BCO1: variants seen among roughly 807,000 people sequenced by gnomAD.
The protein encoded by BCO1 is beta-carotene oxygenase 1, also known as beta,beta-carotene 15,15'-dioxygenase.
Under a neutral mutation model 56.3 loss-of-function variants are expected in BCO1, and 54 were observed. The observed-to-expected ratio is 0.96, with a 90% CI of 0.77 to 1.20. The LOEUF is 1.20. Among genes scored for constraint, BCO1 ranks in the 50% most tolerant of loss-of-function variants. The pLI, the probability that BCO1 is intolerant of heterozygous loss-of-function variation, is 0.00. For synonymous variants in BCO1, 318 were observed against 266.1 expected, an observed-to-expected ratio of 1.20 and a Z score of -1.90; for missense variants, 801 against 690.9, an observed-to-expected ratio of 1.16 and a Z score of -1.79.
chr16:81,251,836 A>C lies in BCO1; in HGVS notation c.193+6233A>C, dbSNP rs571053157. Among the ~76,000 whole-genome samples the C allele has an allele frequency of 3.7e-3, 542 of 144,586 alleles. 4 individuals are homozygous for C. Among genetic ancestry groups the C allele is most frequent in the African/African-American group, 0.013 (497 of 37,546 alleles). The allele number at this position is 144,586 out of a possible 152,430, so 94.9% of individuals were successfully genotyped here. The stretch of plus-strand genomic sequence containing the variant: ...TGGAAAGTTTCTTTTATATATACCC[A>C]CACACACACACACACGCACACACAC... On this transcript the variant is annotated intron_variant, in intron 2 of 10. Coordinates refer to ENST00000258168, the MANE Select transcript of BCO1 (RefSeq NM_017429.3).
intron 7 of BCO1, among the ~76,000 whole-genome samples, chr16:81,275,185 CA>C (rs2150631801): frequency 6.6e-6 from 1 of 152,368 alleles, no homozygotes; most frequent in African/African-American, 2.4e-5. Flanking sequence ...TGCCCTTACT[CA>C]GATGCCCTCT....
At chr16:81,239,829 C>T (rs953980716) in intron 1 of BCO1, among the ~76,000 whole-genome samples, 2 of 152,086 alleles carry the variant, frequency 1.3e-5, no homozygotes. Flanking sequence ...TTTGAGTTGC[C>T]ACTTTCCTGG....
chr16:81,248,750 G>A (rs964282896), intron 2 of BCO1, among the ~76,000 whole-genome samples: 2 of 151,994 alleles, frequency 1.3e-5, no homozygotes, highest in African/African-American at 4.8e-5. Context: ...GGTGGCTCAC[G>A]CCTGTAATCC....
chr16:81,288,271 A>G (rs1009775712), intron 10 of BCO1, among the ~76,000 whole-genome samples: 3 of 151,986 alleles, frequency 2.0e-5, no homozygotes, highest in Non-Finnish European at 4.4e-5. Context: ...TCCCAAACAA[A>G]TGTTTTTAAG....
At position 81,259,175 on chromosome 16, in the gene BCO1, C is replaced by G. The variant is rs1906325538; in HGVS notation, c.194-501C>G. On this transcript the variant is annotated intron_variant, in intron 2 of 10. Transcript: ENST00000258168. ...CTTATCCAGCCATACTGTTGTGAGT[C>G]AGGAGTGAGAAAATGTGTGTCTAAA... is the stretch of plus-strand genomic sequence containing the variant. Among the ~76,000 whole-genome samples, 3 of 152,118 alleles carry G rather than the reference C, an allele frequency of 2.0e-5. No homozygotes were observed. The South Asian group carries it at 6.2e-4, about 32-fold the overall frequency.
At chr16:81,282,841 C>A (rs986706613) in intron 8 of BCO1, among the ~76,000 whole-genome samples, 2 of 152,170 alleles carry the variant, frequency 1.3e-5, no homozygotes, top group Non-Finnish European at 2.9e-5. Context: ...TAGGCCGGGT[C>A]CCTTCTGGCG....
chr16:81,279,151 C>T (rs1597372450), intron 7 of BCO1, among the ~76,000 whole-genome samples: 3 of 152,054 alleles, frequency 2.0e-5, no homozygotes, highest in African/African-American at 7.2e-5. Flanking sequence ...GTGACGCATG[C>T]CCGTAGTCCC....
At position 81,270,265 on chromosome 16, in the gene BCO1, G is replaced by A. The variant is rs145438816; in HGVS notation, c.950G>A (p.Gly317Asp). The A allele has an allele frequency of 1.9e-4, 313 of 1,614,170 alleles. No individual in the cohort carries two copies. The African/African-American group carries it at 2.9e-3, about 15-fold the overall frequency. Reference sequence around the variant, plus strand: ...CACGTCAACGCCTACGAAGAGGACGGCTGCATCGTGTTTGACGTCATTGCC... The same window carrying A: ...CACGTCAACGCCTACGAAGAGGACGACTGCATCGTGTTTGACGTCATTGCC... ...FHHVNAYEED[G>D]CIVFDVIAYE... Residue 317 changes from glycine to aspartate, a missense_variant, in exon 7 of 11, where the codon GGC (glycine) becomes GAC (aspartate). Physicochemically the swap from Gly to Asp is moderately conservative, Grantham distance 94. Coordinates refer to ENST00000258168, the MANE Select transcript of BCO1 (RefSeq NM_017429.3).
At chr16:81,255,781 A>G (rs976995954) in intron 2 of BCO1, among the ~76,000 whole-genome samples, 2 of 151,442 alleles carry the variant, frequency 1.3e-5, no homozygotes, top group Non-Finnish European at 2.9e-5. Flanking sequence ...CTGGGATTAT[A>G]GGAGTGAGCC....
chr16:81,271,002 C>T (rs1358559024), intron 7 of BCO1, among the ~76,000 whole-genome samples: 1 of 152,150 alleles, frequency 6.6e-6, no homozygotes, highest in Non-Finnish European at 1.5e-5. Flanking sequence ...CCTCGGCCTC[C>T]CAAAGTGCTG....
chr16:81,250,828 G>C (rs1305481512), intron 2 of BCO1, among the ~76,000 whole-genome samples: 2 of 152,090 alleles, frequency 1.3e-5, no homozygotes, highest in Non-Finnish European at 2.9e-5. Flanking sequence ...TGATCCACTT[G>C]CCTGGGCCTT....
chr16:81,241,080 C>T (rs112003249), intron 1 of BCO1, among the ~76,000 whole-genome samples: 1 of 152,092 alleles, frequency 6.6e-6, no homozygotes. Flanking sequence ...TTGATCCGCC[C>T]GTGTTGGCCT....
intron 5 of BCO1, 78 bp downstream of exon 5, chr16:81,264,865 T>A (rs1244953365): frequency 4.6e-6 from 7 of 1,509,644 alleles, no homozygotes; most frequent in Non-Finnish European, 6.4e-6. Context: ...TTTTCGTTGA[T>A]GACACAAGAT....
chr16:81,246,466 C>A (rs1289469614), intron 2 of BCO1, among the ~76,000 whole-genome samples: 1 of 152,076 alleles, frequency 6.6e-6, no homozygotes, highest in Non-Finnish European at 1.5e-5. Flanking sequence ...AATAGTTAAT[C>A]TTGCAAAATA....
chr16:81,254,264 G>T (rs1363334956), intron 2 of BCO1, among the ~76,000 whole-genome samples: 2 of 150,178 alleles, frequency 1.3e-5, no homozygotes, highest in Non-Finnish European at 2.9e-5. Context: ...GAGTAGCTGG[G>T]ACTATGGGTG....
At chr16:81,251,108 C>G (rs919154824) in intron 2 of BCO1, among the ~76,000 whole-genome samples, 2 of 152,144 alleles carry the variant, frequency 1.3e-5, no homozygotes, top group Non-Finnish European at 2.9e-5. Context: ...CCTTCTGTAC[C>G]TTTTTAAAGC....
chr16:81,259,873 G>A, intron 3 of BCO1, 68 bp downstream of exon 3: 1 of 1,590,470 alleles, frequency 6.3e-7, no homozygotes, highest in Non-Finnish European at 8.6e-7. Flanking sequence ...GAAATAACCA[G>A]CATTTGCTCC....
chr16:81,248,913 G>A, intron 2 of BCO1, among the ~76,000 whole-genome samples: 1 of 152,130 alleles, frequency 6.6e-6, no homozygotes, highest in East Asian at 1.9e-4. Context: ...TTGGGAGGCT[G>A]AGATAGGATA....
Position 81,245,446 on chromosome 16 carries a change from G to A in BCO1, c.65-29G>A, listed in dbSNP as rs143874611. The A allele has an allele frequency of 8.6e-4, 1,390 of 1,614,106 alleles. 8 individuals are homozygous for A. In the African/African-American group the frequency reaches 0.017, roughly 20 times the overall value. ...AGCATTTTGGTTTGCAGGTGGAAAC[G>A]GGAAACTAAACATTCTCTCTTTTCT... On this transcript the variant is annotated intron_variant, in intron 1 of 10. Transcript: ENST00000258168.
Sources: allele counts gnomAD v4.1 joint callset (sites outside exome capture counted in the v4.1 genomes callset), GRCh38; gene constraint gnomAD v4.1.1; transcripts MANE v1.5; gene names NCBI Gene and HGNC (gene_info 2026-07-23, HGNC 2026-07-21).